The following DAB1 variants were observed in gnomAD, a reference collection of about 807,000 sequenced individuals.
DAB1 encodes DAB adaptor protein 1, also known as disabled homolog 1.
DAB1 carries 15 observed loss-of-function variants against 64.6 expected under a neutral mutation model. That is an observed-to-expected ratio of 0.23 (90% confidence interval 0.16 to 0.36). The LOEUF (loss-of-function observed/expected upper bound fraction) is 0.36, where lower values mean the gene tolerates loss of function less well. DAB1 is among the 10% of genes least tolerant of loss of function. The pLI is 1.00. For missense variants in DAB1, 596 were observed against 706.7 expected (o/e 0.84, Z 1.78); for synonymous variants, 235 against 251.9 (o/e 0.93, Z 0.64).
At chr1:58,253,604 G>A (rs936620276) in intron 4 of DAB1, among the ~76,000 whole-genome samples, 2 of 152,196 alleles carry the variant, frequency 1.3e-5, no homozygotes, top group African/African-American at 2.4e-5. Context: ...TTTATTTTAC[G>A]TTATTTCCTG....
At chr1:57,761,521 A>C (rs942696342) in intron 6 of DAB1, among the ~76,000 whole-genome samples, 2 of 152,186 alleles carry the variant, frequency 1.3e-5, no homozygotes, top group African/African-American at 4.8e-5. Flanking sequence ...TCATTGCTCC[A>C]GCTTGCAGTC....
At chr1:57,063,002 C>T in intron 8 of DAB1, 59 bp from the exon 9 acceptor site, 7 of 1,494,334 alleles carry the variant, frequency 4.7e-6, no homozygotes, top group South Asian at 3.4e-5. Context: ...TTTCAAAGAA[C>T]AAAGCAACCA....
chr1:57,086,366 C>T (rs889022465), intron 4 of DAB1, among the ~76,000 whole-genome samples: 3 of 152,040 alleles, frequency 2.0e-5, no homozygotes, highest in South Asian at 2.1e-4. Context: ...GGTTCATAGG[C>T]GAACAGATGG....
chr1:57,283,980 A>G (rs2100640575), intron 2 of DAB1, among the ~76,000 whole-genome samples: 1 of 152,344 alleles, frequency 6.6e-6, no homozygotes, highest in Non-Finnish European at 1.5e-5. Flanking sequence ...CAGAGAGGTT[A>G]TTCACGTTTT....
At chr1:58,083,102 C>A (rs1650097872) in intron 5 of DAB1, among the ~76,000 whole-genome samples, 2 of 152,182 alleles carry the variant, frequency 1.3e-5, no homozygotes, top group African/African-American at 4.8e-5. Flanking sequence ...GCAAACATTT[C>A]TTTACATCTT....
At chr1:57,888,597 GA>G (rs1644261002), upstream of DAB1, among the ~76,000 whole-genome samples, 1 of 152,146 alleles carries the variant, frequency 6.6e-6, no homozygotes, top group African/African-American at 2.4e-5. Context: ...GGGCGATTAA[GA>G]ATTTGTTCTT....
intron 2 of DAB1, among the ~76,000 whole-genome samples, chr1:57,267,246 A>G (rs1670655260): frequency 6.6e-6 from 1 of 151,736 alleles, no homozygotes; most frequent in Non-Finnish European, 1.5e-5. Context: ...AGGAAGAGGC[A>G]GAGAGCAAAG....
chr1:57,069,240 C>T (rs1019930686), intron 8 of DAB1, 120 bp downstream of exon 8: 1 of 799,298 alleles, frequency 1.3e-6, no homozygotes, highest in Non-Finnish European at 2.1e-6. Context: ...AGCCATTTCA[C>T]TCAAAGGTAT....
chr1:57,877,281 A>G (rs1012788628), intron 1 of DAB1, among the ~76,000 whole-genome samples: 7 of 152,110 alleles, frequency 4.6e-5, no homozygotes, highest in Non-Finnish European at 7.3e-5. Context: ...AAAGCCAACT[A>G]AAGTTAAGAT....
At chr1:57,671,466 GAA>G (rs1313179854) in intron 6 of DAB1, among the ~76,000 whole-genome samples, 3 of 152,026 alleles carry the variant, frequency 2.0e-5, no homozygotes, top group Admixed American at 6.6e-5. Context: ...TAAGAAATCT[GAA>G]GTCTAAGATT....
At chr1:58,299,617 G>A (rs1000643874) in intron 4 of DAB1, among the ~76,000 whole-genome samples, 15 of 152,230 alleles carry the variant, frequency 9.9e-5, no homozygotes, top group African/African-American at 2.6e-4. Flanking sequence ...AGCCTTTGAC[G>A]ACCACTGGTT....
intron 4 of DAB1, among the ~76,000 whole-genome samples, chr1:58,234,362 T>C (rs919978032): frequency 3.3e-5 from 5 of 152,094 alleles, no homozygotes; most frequent in Non-Finnish European, 5.9e-5. Flanking sequence ...TACCTTGCAG[T>C]AGGTGACATG....
chr1:57,476,502 C>A (rs573816763), intron 7 of DAB1, among the ~76,000 whole-genome samples: 2 of 152,068 alleles, frequency 1.3e-5, no homozygotes, highest in Non-Finnish European at 2.9e-5. Flanking sequence ...AACAATGGGA[C>A]CTTTTTCTTG....
intron 6 of DAB1, among the ~76,000 whole-genome samples, chr1:57,656,975 A>G (rs1646326543): frequency 6.6e-6 from 1 of 152,216 alleles, no homozygotes; most frequent in African/African-American, 2.4e-5. Flanking sequence ...TAGGCATGGA[A>G]TGAATGGCAG....
chr1:57,623,088 A>G (rs1482794113), intron 7 of DAB1, among the ~76,000 whole-genome samples: 2 of 152,150 alleles, frequency 1.3e-5, no homozygotes, highest in East Asian at 3.9e-4. Context: ...GTTATTTGTC[A>G]TCGGCGGAGT....
chr1:58,069,872 T>G (rs1053045007), intron 5 of DAB1, among the ~76,000 whole-genome samples: 3 of 152,206 alleles, frequency 2.0e-5, no homozygotes, highest in Non-Finnish European at 2.9e-5. Flanking sequence ...CCAACACCTA[T>G]GCTTTTTTCA....
At chr1:58,251,768 CTG>C (rs1303252899) in intron 4 of DAB1, among the ~76,000 whole-genome samples, 1 of 152,124 alleles carries the variant, frequency 6.6e-6, no homozygotes, top group African/African-American at 2.4e-5. Context: ...AGAGATGTAA[CTG>C]TTACAGGATT....
intron 5 of DAB1, among the ~76,000 whole-genome samples, chr1:57,914,753 G>T (rs1644700755): frequency 6.6e-6 from 1 of 152,122 alleles, no homozygotes; most frequent in Admixed American, 6.5e-5. Context: ...AGAAATGGGT[G>T]AATTTGTAAA....
At chr1:57,146,590 G>GA (rs907820498) in intron 2 of DAB1, among the ~76,000 whole-genome samples, 2 of 151,952 alleles carry the variant, frequency 1.3e-5, no homozygotes, top group African/African-American at 4.8e-5. Flanking sequence ...GCTTAAAATA[G>GA]AAAAAAACAA....
Sources: gnomAD v4.1 joint callset for allele counts (sites outside exome capture counted in the v4.1 genomes callset) on GRCh38, gnomAD v4.1.1 for gene constraint, MANE v1.5 for transcripts, NCBI Gene and HGNC (gene_info 2026-07-23, HGNC 2026-07-21) for gene names.